FHIP1A: variants seen among roughly 807,000 people sequenced by gnomAD.
FHIP1A encodes the protein FHF complex subunit HOOK-interacting protein 1A.
In FHIP1A, 61 loss-of-function variants were observed where a neutral mutation model predicts 88.6. The ratio of observed to expected loss-of-function variants is 0.69; its 90% CI spans 0.56 to 0.85. The LOEUF (loss-of-function observed/expected upper bound fraction) is 0.85, where lower values mean the gene tolerates loss of function less well. Among genes scored for constraint, FHIP1A ranks in the 40% least tolerant of loss-of-function variants. The pLI is 0.00. For synonymous variants in FHIP1A, 478 were observed against 496.0 expected (o/e 0.96, Z 0.48); for missense variants, 1,154 against 1,273.5 (o/e 0.91, Z 1.43).
intron 8 of FHIP1A, among the ~76,000 whole-genome samples, chr4:151,636,069 C>G (rs952291968): frequency 2.0e-5 from 3 of 151,846 alleles, no homozygotes; most frequent in African/African-American, 7.2e-5. Context: ...CTCCCCAGTT[C>G]TCAATAAAAC....
At position 151,667,975 on chromosome 4, in the gene FHIP1A, T is replaced by C. The variant is rs1046376450; in HGVS notation, c.*5221T>C. ...CTGCTTAGTGTGTCAGCTGACTTTT[T>C]ACTGGGACAAGTCTATGAAAGGCCC... On this transcript the variant is annotated 3_prime_UTR_variant, in exon 14 of 14. Transcript: ENST00000435205. 3.3e-5 allele frequency among the ~76,000 whole-genome samples: 5 copies of C among 152,186 alleles called. No individual in the cohort carries two copies. Among genetic ancestry groups the C allele is most frequent in the Non-Finnish European group, 5.9e-5 (4 of 68,044 alleles).
chr4:151,508,610 A>T (rs746779013), intron 3 of FHIP1A, among the ~76,000 whole-genome samples: 1 of 152,208 alleles, frequency 6.6e-6, no homozygotes, highest in Non-Finnish European at 1.5e-5. Flanking sequence ...CAAAAAATTC[A>T]GCAGTATACT....
intron 3 of FHIP1A, among the ~76,000 whole-genome samples, chr4:151,544,272 C>G (rs1368280764): frequency 2.6e-5 from 4 of 152,184 alleles, no homozygotes; most frequent in African/African-American, 9.6e-5. Context: ...TTCTTGTTTT[C>G]AAGCTCTGAT....
intron 5 of FHIP1A, among the ~76,000 whole-genome samples, chr4:151,585,626 T>C (rs1560783771): frequency 6.6e-6 from 1 of 152,318 alleles, no homozygotes; most frequent in East Asian, 1.9e-4. Context: ...GCATCCCTGG[T>C]TTGATATTCC....
At chr4:151,479,035 A>C (rs922314308) in intron 2 of FHIP1A, among the ~76,000 whole-genome samples, 1 of 152,096 alleles carries the variant, frequency 6.6e-6, no homozygotes, top group Non-Finnish European at 1.5e-5. Flanking sequence ...AATTGTATGA[A>C]ATTAATGTGA....
intron 2 of FHIP1A, among the ~76,000 whole-genome samples, chr4:151,479,876 A>C (rs1729834911): frequency 6.6e-6 from 1 of 152,050 alleles, no homozygotes; most frequent in Admixed American, 6.6e-5. Flanking sequence ...TGAGCTTTAA[A>C]TTTTGTTCCT....
chr4:151,526,228 A>C (rs998882044), intron 3 of FHIP1A, among the ~76,000 whole-genome samples: 1 of 152,138 alleles, frequency 6.6e-6, no homozygotes, highest in African/African-American at 2.4e-5. Context: ...TCTATTCCAC[A>C]AAACCGCCAT....
chr4:151,552,093 T>G (rs1340369670), intron 3 of FHIP1A, among the ~76,000 whole-genome samples: 1 of 152,214 alleles, frequency 6.6e-6, no homozygotes, highest in Non-Finnish European at 1.5e-5. Context: ...TCATCACTGG[T>G]CATCTGAGAA....
chr4:151,502,272 G>A (rs528026593), intron 3 of FHIP1A, among the ~76,000 whole-genome samples: 14 of 151,982 alleles, frequency 9.2e-5, no homozygotes, highest in East Asian at 1.9e-4. Flanking sequence ...AGCTGTGATC[G>A]TACCACTGTG....
intron 7 of FHIP1A, among the ~76,000 whole-genome samples, chr4:151,617,505 G>A (rs1430045143): frequency 6.6e-6 from 1 of 152,082 alleles, no homozygotes; most frequent in Non-Finnish European, 1.5e-5. Flanking sequence ...AGTCTGATCA[G>A]TGCCCTCATC....
chr4:151,598,112 T>C (rs1421808094), intron 7 of FHIP1A, among the ~76,000 whole-genome samples: 2 of 152,014 alleles, frequency 1.3e-5, no homozygotes, highest in Non-Finnish European at 2.9e-5. Context: ...TAGCTCAGTG[T>C]CTGCCCAAAT....
chr4:151,443,685 CTGTGTGTGTGTGTG>C (rs57147339), intron 1 of FHIP1A, among the ~76,000 whole-genome samples: 13 of 122,104 alleles, frequency 1.1e-4, no homozygotes, highest in Admixed American at 2.5e-4. Context: ...ATGAAGCACT[CTGTGTGTGTGTGTG>C]TGTGTGTGTG....
chr4:151,513,642 G>A (rs1329235902), intron 3 of FHIP1A, among the ~76,000 whole-genome samples: 13 of 152,008 alleles, frequency 8.6e-5, no homozygotes, highest in Non-Finnish European at 1.6e-4. Context: ...AAAAAGGCAG[G>A]GGTTGCAATC....
intron 3 of FHIP1A, among the ~76,000 whole-genome samples, chr4:151,515,597 C>T (rs910906269): frequency 3.3e-5 from 5 of 152,216 alleles, no homozygotes; most frequent in Non-Finnish European, 5.9e-5. Context: ...ATAGCAACTT[C>T]AGCAAAGTCT....
chr4:151,656,792 G>A lies in FHIP1A; in HGVS notation c.2763G>A (p.Gln921=). ...CATCTGTGAAAAACAAGATTGAACA[G>A]TTTGCTTCTGTGGAGAGAGACTTCC... ...VLASVKNKIE[Q]FASVERDFPG... The change falls in exon 13 of 14, where the codon CAG becomes CAA. Residue 921 remains glutamine (Q), a synonymous_variant. Coordinates refer to ENST00000435205, the MANE Select transcript of FHIP1A (RefSeq NM_001109977.3). This position sits in a 1 kb window ranked among gnomAD's most constrained non-coding sequence, Gnocchi z 4.2. 6.4e-7 allele frequency: 1 copy of A among 1,551,650 alleles called. No individual in the cohort carries two copies. Among genetic ancestry groups the A allele is most frequent in the Non-Finnish European group, 8.7e-7 (1 of 1,146,960 alleles).
chr4:151,486,732 C>T (rs184980019), intron 3 of FHIP1A, among the ~76,000 whole-genome samples: 2 of 152,016 alleles, frequency 1.3e-5, no homozygotes, highest in East Asian at 1.9e-4. Flanking sequence ...TTTGGGAGGT[C>T]GAGGCGGGCG....
rs542878545 is a variant in FHIP1A at position 151,532,679 on chromosome 4, G to GA, written c.-122-33456dup. On this transcript the variant is annotated intron_variant, in intron 3 of 13. Transcript: ENST00000435205. ...GACAGACATTTCCTGAGGAATAGGA[G>GA]AAACAGATAATAGGAGAACAGATAG... 4.8e-4 allele frequency among the ~76,000 whole-genome samples: 73 copies of GA among 152,274 alleles called. No individual in the cohort carries two copies. The East Asian group carries it at 0.012, about 25-fold the overall frequency.
chr4:151,574,549 A>T (rs1440534234), intron 4 of FHIP1A, among the ~76,000 whole-genome samples: 1 of 152,082 alleles, frequency 6.6e-6, no homozygotes, highest in African/African-American at 2.4e-5. Context: ...ATGCATATTT[A>T]TAAATTTATA....
intron 7 of FHIP1A, among the ~76,000 whole-genome samples, chr4:151,614,685 G>A (rs1735450669): frequency 6.6e-6 from 1 of 152,120 alleles, no homozygotes; most frequent in African/African-American, 2.4e-5. Flanking sequence ...ACATCTCTCA[G>A]AGGTGCTGGT....
Sources: gnomAD v4.1 joint callset for allele counts (sites outside exome capture counted in the v4.1 genomes callset) on GRCh38, gnomAD v4.1.1 for gene constraint, Gnocchi (gnomAD v3.1) non-coding constraint, MANE v1.5 for transcripts, NCBI Gene and HGNC (gene_info 2026-07-23, HGNC 2026-07-21) for gene names.